ROMO1: variants seen among roughly 807,000 people sequenced by gnomAD.
The protein encoded by ROMO1 is PCM19.
ROMO1 carries 8 observed loss-of-function variants against 7.4 expected under a neutral mutation model. The observed-to-expected ratio is 1.08, with a 90% confidence interval of 0.63 to 1.95. The LOEUF (loss-of-function observed/expected upper bound fraction) is 1.95, where lower values mean the gene tolerates loss of function less well. Ranked by LOEUF, ROMO1 falls within the 30% of genes most tolerant of loss-of-function variation. ROMO1 has a pLI of 0.00. For missense variants in ROMO1, 91 were observed against 115.9 expected (o/e 0.79, Z 0.99); for synonymous variants, 43 against 41.4 (o/e 1.04, Z -0.15).
Position 35,700,783 on chromosome 20 carries a change from T to C in ROMO1, c.132-15T>C. The C allele has an allele frequency of 6.2e-7, 1 of 1,610,464 alleles. No homozygotes were observed. ...TTTTTGTTACCAAATAGCTCCATCT[T>C]GGTTTCCTCCTCAGGATCGGAATGC... On this transcript the variant is annotated splice_polypyrimidine_tract_variant and intron_variant, in intron 2 of 2. Transcript: ENST00000374077.
intron 2 of ROMO1, among the ~76,000 whole-genome samples, chr20:35,700,388 A>C (rs2035238461): frequency 6.6e-6 from 1 of 152,210 alleles, no homozygotes; most frequent in Admixed American, 6.5e-5. Flanking sequence ...TGAGATGCCC[A>C]TTTTACACTT....
intron 2 of ROMO1, among the ~76,000 whole-genome samples, chr20:35,700,434 C>A (rs145931022): frequency 6.6e-6 from 1 of 152,194 alleles, no homozygotes; most frequent in African/African-American, 2.4e-5. Context: ...GACTCTTGAA[C>A]CCCCACCTTA....
rs1031509403 is a variant in ROMO1 at position 35,699,457 on chromosome 20, G to A, written c.-1+1G>A. The stretch of plus-strand genomic sequence containing the variant: ...CGACCCAGCCCGCGAGCGAGGTGAG[G>A]TAGGCGCCGGGCGACGCGGGGCCGG... On this transcript the variant is annotated splice_donor_variant, in intron 1 of 2. Transcript: ENST00000374077. LOFTEE classifies it low-confidence loss of function (5UTR_SPLICE). This position sits in a 1 kb window ranked among gnomAD's most constrained non-coding sequence, Gnocchi z 4.4. The A allele has an allele frequency of 4.5e-5, 54 of 1,194,860 alleles. No homozygotes were observed. Among genetic ancestry groups the A allele is most frequent in the Admixed American group, 1.0e-4 (4 of 39,916 alleles). 74.0% of individuals were successfully genotyped at this position (1,194,860 alleles called of 1,614,324 possible).
At chr20:35,700,737 C>T in intron 2 of ROMO1, 61 bp from the exon 3 acceptor site, 1 of 1,389,924 alleles carries the variant, frequency 7.2e-7, no homozygotes, top group Non-Finnish European at 1.0e-6. Context: ...TGGAAAGGAG[C>T]AGTTAATACT....
chr20:35,699,863 C>G lies in ROMO1; in HGVS notation c.131+100C>G. On this transcript the variant is annotated intron_variant, in intron 2 of 2. Transcript: ENST00000374077. This position sits in a 1 kb window ranked among gnomAD's most constrained non-coding sequence, Gnocchi z 4.4. ...GAACACAGCCTCCTTCTTTCGACTTCCCTCTCTGTCCCCTCGCGAGCCAGA... is the reference window on the plus strand; with the variant it reads ...GAACACAGCCTCCTTCTTTCGACTTGCCTCTCTGTCCCCTCGCGAGCCAGA... 1 of 1,424,836 alleles carries G rather than the reference C, an allele frequency of 7.0e-7. No individual in the cohort carries two copies. Among genetic ancestry groups the G allele is most frequent in the Non-Finnish European group, 9.4e-7 (1 of 1,065,648 alleles). The allele number at this position is 1,424,836 out of a possible 1,614,324, so 88.3% of individuals were successfully genotyped here.
rs1244669209 is a variant in ROMO1, at chr20:35,699,547, C to G, written c.1-86C>G. The G allele has an allele frequency of 2.5e-6, 4 of 1,574,616 alleles. No individual in the cohort carries two copies. Among genetic ancestry groups the G allele is most frequent in the Non-Finnish European group, 3.4e-6 (4 of 1,160,456 alleles). ...TTCCTTCCCTTACTTCCCCTGAGCC[C>G]TTGGGCCCACTTCCCAGCCTACCGC... is the stretch of plus-strand genomic sequence containing the variant. On this transcript the variant is annotated intron_variant, in intron 1 of 2. Transcript: ENST00000374077. This position sits in a 1 kb window ranked among gnomAD's most constrained non-coding sequence, Gnocchi z 4.4.
In ROMO1 at chr20:35,699,514, C is replaced by A. The variant is rs2035211801; in HGVS notation, c.-1+58C>A. 1 of 1,420,242 alleles carries A rather than the reference C, an allele frequency of 7.0e-7. No homozygotes were observed. Among genetic ancestry groups the A allele is most frequent in the Non-Finnish European group, 9.6e-7 (1 of 1,039,256 alleles). 88.0% of individuals were successfully genotyped at this position (1,420,242 alleles called of 1,614,324 possible). A position where few individuals can be genotyped will look rare whatever the true frequency, so the allele number is the denominator to read the frequency against. On this transcript the variant is annotated intron_variant, in intron 1 of 2. Transcript: ENST00000374077. This position sits in a 1 kb window ranked among gnomAD's most constrained non-coding sequence, Gnocchi z 4.4. ...AAGAGGGTGGTGGAGTCGGGCTACC[C>A]ACTGATTTTCCTTCCCTTACTTCCC...
Position 35,699,435 on chromosome 20 carries a change from C to G in ROMO1, c.-22C>G, listed in dbSNP as rs6119641. On this transcript the variant is annotated 5_prime_UTR_variant, in exon 1 of 3. Transcript: ENST00000374077. This position sits in a 1 kb window ranked among gnomAD's most constrained non-coding sequence, Gnocchi z 4.4. ...CCGTGAGAGACGTAGAGCTGAGCGA[C>G]CCAGCCCGCGAGCGAGGTGAGGTAG... 1 of 1,184,034 alleles carries G rather than the reference C, an allele frequency of 8.4e-7. No homozygotes were observed. The highest frequency in any genetic ancestry group is 1.6e-5 in the African/African-American group (1 of 63,918). The allele number at this position is 1,184,034 out of a possible 1,614,324, so 73.3% of individuals were successfully genotyped here.
Position 35,699,448 on chromosome 20 carries a change from C to A in ROMO1, c.-9C>A, listed in dbSNP as rs1386084627. ...AGAGCTGAGCGACCCAGCCCGCGAG[C>A]GAGGTGAGGTAGGCGCCGGGCGACG... is the stretch of plus-strand genomic sequence containing the variant. On this transcript the variant is annotated 5_prime_UTR_variant, in exon 1 of 3. Transcript: ENST00000374077. The surrounding 1 kb of genome is among the most constrained non-coding windows in gnomAD (Gnocchi z 4.4). 6.8e-6 allele frequency: 8 copies of A among 1,173,892 alleles called. No individual in the cohort carries two copies. The East Asian group carries it at 1.9e-4, about 27-fold the overall frequency. 72.7% of individuals were successfully genotyped at this position (1,173,892 alleles called of 1,614,324 possible).
At position 35,699,938 on chromosome 20, in the gene ROMO1, G is replaced by A. The variant is rs1315769325; in HGVS notation, c.131+175G>A. Among the ~76,000 whole-genome samples, 1 of 152,190 alleles carries A rather than the reference G, an allele frequency of 6.6e-6. No homozygotes were observed. Among genetic ancestry groups the A allele is most frequent in the Admixed American group, 6.5e-5 (1 of 15,278 alleles). ...GTAAAGTCAGGTTGGAAGCGTCAGTGCTTAAGAATTTGAGCTTTAGAGTCA... is the reference window on the plus strand; with the variant it reads ...GTAAAGTCAGGTTGGAAGCGTCAGTACTTAAGAATTTGAGCTTTAGAGTCA... On this transcript the variant is annotated intron_variant, in intron 2 of 2. Transcript: ENST00000374077. The surrounding 1 kb of genome is among the most constrained non-coding windows in gnomAD (Gnocchi z 4.4).
intron 2 of ROMO1, among the ~76,000 whole-genome samples, chr20:35,700,326 A>G (rs1431747452): frequency 1.3e-5 from 2 of 152,294 alleles, no homozygotes; most frequent in African/African-American, 2.4e-5. Context: ...CACTTACTCT[A>G]TGTTAAGCAC....
At position 35,700,961 on chromosome 20, in the gene ROMO1, TAAAAG is replaced by T. The variant is rs2035256509; in HGVS notation, c.*59_*63del. 13 of 1,264,732 alleles carry T rather than the reference TAAAAG, an allele frequency of 1.0e-5. No homozygotes were observed. The highest frequency in any genetic ancestry group is 1.9e-4 in the Middle Eastern group (1 of 5,236). The allele number at this position is 1,264,732 out of a possible 1,614,324, so 78.3% of individuals were successfully genotyped here. ...CCATCAATCCCAGCCCATGTACTAA[TAAAAG>T]AAAGTCTTTGAGTAGTCAGTGTCCC... On this transcript the variant is annotated 3_prime_UTR_variant, in exon 3 of 3. Coordinates refer to ENST00000374077, the MANE Select transcript of ROMO1 (RefSeq NM_080748.3).
rs1487320377 is a variant in ROMO1 at position 35,699,668 on chromosome 20, G to A, written c.36G>A (p.Gln12=). The change falls in exon 2 of 3, where the codon CAG becomes CAA. Residue 12 remains glutamine (Q), a synonymous_variant. Coordinates refer to ENST00000374077, the MANE Select transcript of ROMO1 (RefSeq NM_080748.3). This position sits in a 1 kb window ranked among gnomAD's most constrained non-coding sequence, Gnocchi z 4.4. The part of the protein sequence containing the change: ...PVAVGPYGQS[Q]PSCFDRVKMG... ...CCGTGGGTCCCTACGGACAGTCCCA[G>A]CCAAGCTGCTTCGACCGTGTCAAAA... 1 of 1,613,722 alleles carries A rather than the reference G, an allele frequency of 6.2e-7. No individual in the cohort carries two copies. The highest frequency in any genetic ancestry group is 8.5e-7 in the Non-Finnish European group (1 of 1,180,014).
chr20:35,700,668 A>AAT (rs1568969852), intron 2 of ROMO1, 130 bp from the exon 3 acceptor site: 5 of 714,094 alleles, frequency 7.0e-6, no homozygotes, highest in Non-Finnish European at 1.3e-5. Context: ...AGTAAGATAT[A>AAT]ATATCCAGTA....
In ROMO1 at chr20:35,699,516, C is replaced by T. The variant is rs971555487; in HGVS notation, c.-1+60C>T. 1 of 1,446,504 alleles carries T rather than the reference C, an allele frequency of 6.9e-7. No individual in the cohort carries two copies. Among genetic ancestry groups the T allele is most frequent in the African/African-American group, 1.4e-5 (1 of 71,370 alleles). The allele number at this position is 1,446,504 out of a possible 1,614,324, so 89.6% of individuals were successfully genotyped here. A position where few individuals can be genotyped will look rare whatever the true frequency, so the allele number is the denominator to read the frequency against. ...GAGGGTGGTGGAGTCGGGCTACCCA[C>T]TGATTTTCCTTCCCTTACTTCCCCT... On this transcript the variant is annotated intron_variant, in intron 1 of 2. Transcript: ENST00000374077. This position sits in a 1 kb window ranked among gnomAD's most constrained non-coding sequence, Gnocchi z 4.4.
At position 35,700,802 on chromosome 20, in the gene ROMO1, G is replaced by A. The variant is rs773951701; in HGVS notation, c.136G>A (p.Gly46Arg). The change falls in exon 3 of 3, where the codon GGA becomes AGA. Residue 46 changes from glycine (G) to arginine (R), a missense_variant. Physicochemically the swap from Gly to Arg is moderately radical, Grantham distance 125. Coordinates refer to ENST00000374077, the MANE Select transcript of ROMO1 (RefSeq NM_080748.3). ...LFGTFSCLRIGMRGRELMGGI... is the reference protein window; with the variant it reads ...LFGTFSCLRIRMRGRELMGGI... ...CCATCTTGGTTTCCTCCTCAGGATC[G>A]GAATGCGGGGTCGAGAGCTGATGGG... 6.2e-6 allele frequency: 10 copies of A among 1,614,004 alleles called. No homozygotes were observed. Among genetic ancestry groups the A allele is most frequent in the Non-Finnish European group, 7.6e-6 (9 of 1,179,878 alleles).
chr20:35,700,670 T>C lies in ROMO1; in HGVS notation c.132-128T>C, dbSNP rs1601543978. 4.2e-6 allele frequency: 3 copies of C among 718,990 alleles called. No homozygotes were observed. The East Asian group carries it at 8.0e-5, about 19-fold the overall frequency. The allele number at this position is 718,990 out of a possible 1,614,324, so 44.5% of individuals were successfully genotyped here. A position where few individuals can be genotyped will look rare whatever the true frequency, so the allele number is the denominator to read the frequency against. On this transcript the variant is annotated intron_variant, in intron 2 of 2. Transcript: ENST00000374077. The stretch of plus-strand genomic sequence containing the variant: ...ACCCACCCCAGGTAGTAAGATATAA[T>C]ATCCAGTAAGTGGAAAATCAGATGT...
intron 2 of ROMO1, among the ~76,000 whole-genome samples, chr20:35,700,352 AG>A (rs1382523055): frequency 1.3e-5 from 2 of 152,308 alleles, no homozygotes; most frequent in South Asian, 2.1e-4. Flanking sequence ...TAAATACTGT[AG>A]TTTTCAAAAT....
rs1188872002 is a variant in ROMO1, at chr20:35,699,776, G to A, written c.131+13G>A. Reference sequence around the variant, plus strand: ...TTTCCTGTCTCAGGTGAGGGGCGCGGGCGGTGATCTCTGGGCAGGACAACC... The same window carrying A: ...TTTCCTGTCTCAGGTGAGGGGCGCGAGCGGTGATCTCTGGGCAGGACAACC... On this transcript the variant is annotated intron_variant, in intron 2 of 2. Transcript: ENST00000374077. This position sits in a 1 kb window ranked among gnomAD's most constrained non-coding sequence, Gnocchi z 4.4. 6.2e-7 allele frequency: 1 copy of A among 1,603,076 alleles called. No homozygotes were observed. Among genetic ancestry groups the A allele is most frequent in the African/African-American group, 1.3e-5 (1 of 74,944 alleles).
Sources: allele counts gnomAD v4.1 joint callset (sites outside exome capture counted in the v4.1 genomes callset), GRCh38; gene constraint gnomAD v4.1.1; non-coding constraint Gnocchi (gnomAD v3.1); transcripts MANE v1.5; gene names NCBI Gene and HGNC (gene_info 2026-07-23, HGNC 2026-07-21).